TMC1: variants seen among roughly 807,000 people sequenced by gnomAD.
TMC1 encodes the protein transmembrane channel-like protein 1.
Under a neutral mutation model 105.8 loss-of-function variants are expected in TMC1, and 84 were observed. The ratio of observed to expected loss-of-function variants is 0.79; its 90% confidence interval spans 0.67 to 0.95. The LOEUF (loss-of-function observed/expected upper bound fraction) is 0.95, where lower values mean the gene tolerates loss of function less well. Ranked by LOEUF, TMC1 falls within the 40% of genes least tolerant of loss-of-function variation. The pLI, the probability that TMC1 is intolerant of heterozygous loss-of-function variation, is 0.00. For missense variants in TMC1, 817 were observed against 914.1 expected (o/e 0.89, Z 1.37); for synonymous variants, 315 against 311.5 (o/e 1.01, Z -0.12).
At chr9:72,552,630 G>A (rs1233984725) in intron 1 of TMC1, among the ~76,000 whole-genome samples, 1 of 152,134 alleles carries the variant, frequency 6.6e-6, no homozygotes, top group African/African-American at 2.4e-5. Context: ...AATCAGATTA[G>A]GATTAGCTAA....
intron 2 of TMC1, among the ~76,000 whole-genome samples, chr9:72,608,591 C>A (rs1824964892): frequency 6.6e-6 from 1 of 151,746 alleles, no homozygotes; most frequent in Non-Finnish European, 1.5e-5. Flanking sequence ...CCTGTAATTC[C>A]AGCTACTCGG....
At chr9:72,760,197 ATTAAT>A (rs1031758038) in intron 12 of TMC1, among the ~76,000 whole-genome samples, 6 of 152,120 alleles carry the variant, frequency 3.9e-5, no homozygotes, top group African/African-American at 9.7e-5. Context: ...AGTTTTTAAA[ATTAAT>A]TTATTTTTGA....
chr9:72,689,512 G>A (rs1588033297), intron 6 of TMC1, among the ~76,000 whole-genome samples: 1 of 147,982 alleles, frequency 6.8e-6, no homozygotes, highest in Admixed American at 6.6e-5. Context: ...CTGTCTAGAT[G>A]TTCTATCCAT....
chr9:72,714,704 C>A (rs1039371247), intron 8 of TMC1, among the ~76,000 whole-genome samples: 2 of 152,082 alleles, frequency 1.3e-5, no homozygotes, highest in African/African-American at 4.8e-5. Context: ...ACCAATGGGT[C>A]TTGACTCTTA....
rs553980159 is a variant in TMC1 at position 72,596,807 on chromosome 9, G to A, written c.-306+18784G>A. Reference sequence around the variant, plus strand: ...TTAAAAGCTTTCATTCCCCCTGGAAGAAAACACATAGCTAACTAAAGAAAG... The same window carrying A: ...TTAAAAGCTTTCATTCCCCCTGGAAAAAAACACATAGCTAACTAAAGAAAG... On this transcript the variant is annotated intron_variant, in intron 2 of 23. Transcript: ENST00000297784. 3.4e-4 allele frequency among the ~76,000 whole-genome samples: 51 copies of A among 152,032 alleles called. 1 individual carries two copies. Among genetic ancestry groups the A allele is most frequent in the African/African-American group, 1.2e-3 (49 of 41,462 alleles).
At position 72,688,751 on chromosome 9, in the gene TMC1, G is replaced by T. The variant is rs189479995; in HGVS notation, c.59G>T (p.Ser20Ile). 3.1e-6 allele frequency: 5 copies of T among 1,611,492 alleles called. No individual in the cohort carries two copies. The highest frequency in any genetic ancestry group is 4.2e-6 in the Non-Finnish European group (5 of 1,178,424). The change falls in exon 6 of 24, where the codon AGC becomes ATC. Residue 20 changes from serine to isoleucine, a missense_variant. By Grantham distance (142) the Ser-to-Ile change is moderately radical (BLOSUM62 -2). Transcript: ENST00000297784. Reference sequence around the variant, plus strand: ...GAAAAAGAAGACGAGACTGAGGAAAGCTCAAGTAAGTGGTGATGGGCCACT... The same window carrying T: ...GAAAAAGAAGACGAGACTGAGGAAATCTCAAGTAAGTGGTGATGGGCCACT... ...VEEKEDETEE[S>I]SSEEEEEVED...
intron 1 of TMC1, among the ~76,000 whole-genome samples, chr9:72,533,127 T>C: frequency 6.6e-6 from 1 of 152,206 alleles, no homozygotes. Context: ...GGAGGGGAAA[T>C]ACTTGTGAGA....
intron 2 of TMC1, among the ~76,000 whole-genome samples, chr9:72,606,542 A>T (rs1463012111): frequency 6.6e-6 from 1 of 152,214 alleles, no homozygotes; most frequent in East Asian, 1.9e-4. Flanking sequence ...GCAGAAACGT[A>T]TGTACTTATG....
chr9:72,754,676 T>A, intron 11 of TMC1, 110 bp from the exon 12 acceptor site: 1 of 796,746 alleles, frequency 1.3e-6, no homozygotes, highest in Non-Finnish European at 2.2e-6. Context: ...ACCCAAAGAG[T>A]CCCCATAAAA....
chr9:72,787,286 T>C (rs1259208468), intron 13 of TMC1, among the ~76,000 whole-genome samples: 1 of 152,174 alleles, frequency 6.6e-6, no homozygotes, highest in Non-Finnish European at 1.5e-5. Flanking sequence ...AAGTGGTAGA[T>C]GGATGAAAGG....
intron 5 of TMC1, among the ~76,000 whole-genome samples, chr9:72,675,161 AC>A (rs1054366799): frequency 2.6e-5 from 4 of 152,178 alleles, no homozygotes; most frequent in African/African-American, 9.7e-5. Flanking sequence ...GTGAAGCTGA[AC>A]AGTTCGATGA....
chr9:72,719,870 T>G (rs1826992377), intron 8 of TMC1, among the ~76,000 whole-genome samples: 1 of 152,208 alleles, frequency 6.6e-6, no homozygotes. Flanking sequence ...GCATCTAGAT[T>G]TTGTCCATCA....
intron 4 of TMC1, among the ~76,000 whole-genome samples, chr9:72,647,402 T>A (rs1825733189): frequency 6.6e-6 from 1 of 152,142 alleles, no homozygotes; most frequent in Admixed American, 6.5e-5. Context: ...TTTAGAGTTA[T>A]TTTATATATT....
intron 2 of TMC1, among the ~76,000 whole-genome samples, chr9:72,613,827 T>G (rs1825076965): frequency 6.6e-6 from 1 of 152,048 alleles, no homozygotes; most frequent in East Asian, 1.9e-4. Context: ...TGAGAGAGAC[T>G]GGGGACATTT....
At chr9:72,780,870 G>C (rs1828085142) in intron 13 of TMC1, among the ~76,000 whole-genome samples, 1 of 152,130 alleles carries the variant, frequency 6.6e-6, no homozygotes, top group African/African-American at 2.4e-5. Flanking sequence ...ATAATAGCAA[G>C]AGAGTTCTGC....
At chr9:72,567,240 A>T (rs1024457714) in intron 1 of TMC1, among the ~76,000 whole-genome samples, 1 of 152,214 alleles carries the variant, frequency 6.6e-6, no homozygotes, top group Non-Finnish European at 1.5e-5. Context: ...GGATCATGGT[A>T]GGGTTTATCA....
intron 22 of TMC1, 21 bp from the exon 23 acceptor site, chr9:72,830,610 C>T: frequency 6.2e-7 from 1 of 1,612,540 alleles, no homozygotes; most frequent in African/African-American, 1.3e-5. Context: ...TACTTTTTTC[C>T]CCTTATTTTT....
At chr9:72,713,795 C>A (rs1826874456) in intron 8 of TMC1, among the ~76,000 whole-genome samples, 1 of 149,574 alleles carries the variant, frequency 6.7e-6, no homozygotes, top group Non-Finnish European at 1.5e-5. Context: ...TTAGTTACTT[C>A]TTGCCTTCTG....
At chr9:72,751,819 C>G (rs549448535) in intron 10 of TMC1, 31 bp from the exon 11 acceptor site, 2 of 1,433,160 alleles carry the variant, frequency 1.4e-6, no homozygotes, top group African/African-American at 2.8e-5. Context: ...GCTTTGATCT[C>G]TCTTCAAACT....
Sources: gnomAD v4.1 joint callset for allele counts (sites outside exome capture counted in the v4.1 genomes callset) on GRCh38, gnomAD v4.1.1 for gene constraint, MANE v1.5 for transcripts, NCBI Gene and HGNC (gene_info 2026-07-23, HGNC 2026-07-21) for gene names.